Variants in ARHGAP6 observed in about 807,000 individuals in gnomAD.
ARHGAP6 encodes the protein Rho GTPase activating protein 6.
Under a neutral mutation model 55.7 loss-of-function variants are expected in ARHGAP6, and 16 were observed. The ratio of observed to expected loss-of-function variants is 0.29; its 90% confidence interval spans 0.19 to 0.44. The LOEUF (loss-of-function observed/expected upper bound fraction) is 0.44. ARHGAP6 is among the 20% of genes least tolerant of loss of function. The probability of loss-of-function intolerance (pLI) is 1.00; values close to 1 mark genes in which losing one functional copy is unlikely to be tolerated. For missense variants in ARHGAP6, 698 were observed against 808.9 expected (o/e 0.86, Z 1.66); for synonymous variants, 382 against 360.9 (o/e 1.06, Z -0.66).
intron 1 of ARHGAP6, among the ~76,000 whole-genome samples, chrX:11,280,800 A>G (rs928885143): frequency 2.1e-4 from 23 of 109,946 alleles, no homozygotes; most frequent in African/African-American, 7.6e-4. Flanking sequence ...TGTGAATACC[A>G]TTTGACCCAG....
intron 1 of ARHGAP6, among the ~76,000 whole-genome samples, chrX:11,585,611 A>G (rs188116191): frequency 1.8e-5 from 2 of 112,390 alleles, no homozygotes; most frequent in Non-Finnish European, 3.8e-5. Flanking sequence ...TCCTTTGCCC[A>G]CTTTTTAATG....
intron 1 of ARHGAP6, among the ~76,000 whole-genome samples, chrX:11,602,149 A>T (rs748998488): frequency 9.0e-6 from 1 of 111,706 alleles, no homozygotes; most frequent in South Asian, 3.8e-4. Flanking sequence ...GATACTTTTT[A>T]AGTCTTATTT....
chrX:11,263,780 C>T (rs779145384), intron 1 of ARHGAP6, among the ~76,000 whole-genome samples: 1 of 111,726 alleles, frequency 9.0e-6, no homozygotes, highest in East Asian at 2.9e-4. Flanking sequence ...CCCAGTTTTG[C>T]CACTTACTAG....
At chrX:11,397,955 G>A (rs1487997850) in intron 1 of ARHGAP6, among the ~76,000 whole-genome samples, 1 of 111,691 alleles carries the variant, frequency 9.0e-6, no homozygotes, top group Non-Finnish European at 1.9e-5. Context: ...AACCTAGAAT[G>A]ATGTCAGACC....
At chrX:11,474,726 G>A (rs1218215622) in intron 1 of ARHGAP6, among the ~76,000 whole-genome samples, 1 of 111,491 alleles carries the variant, frequency 9.0e-6, no homozygotes, top group Non-Finnish European at 1.9e-5. Flanking sequence ...CAGTGTGGTG[G>A]TGTTGGGAGG....
intron 5 of ARHGAP6, among the ~76,000 whole-genome samples, chrX:11,185,610 A>G (rs2046377157): frequency 8.9e-6 from 1 of 112,429 alleles, no homozygotes; most frequent in Admixed American, 9.4e-5. Context: ...AGTTTATGAA[A>G]ATGGCAGTTA....
chrX:11,397,441 A>G (rs1171932266), intron 1 of ARHGAP6, among the ~76,000 whole-genome samples: 3 of 111,611 alleles, frequency 2.7e-5, no homozygotes, highest in Non-Finnish European at 5.6e-5. Context: ...ACTATACATA[A>G]TATGAAGATG....
chrX:11,412,725 C>T (rs1371794347), intron 1 of ARHGAP6, among the ~76,000 whole-genome samples: 1 of 111,831 alleles, frequency 8.9e-6, no homozygotes, highest in African/African-American at 3.2e-5. Flanking sequence ...GAATTCGTAC[C>T]ATGGTAATTT....
At chrX:11,621,979 C>G (rs749407575) in intron 1 of ARHGAP6, among the ~76,000 whole-genome samples, 2 of 111,700 alleles carry the variant, frequency 1.8e-5, no homozygotes, top group Non-Finnish European at 3.8e-5. Context: ...GAACCTGAAG[C>G]AATGCCTTTT....
chrX:11,506,699 TAC>T (rs764977626), intron 1 of ARHGAP6, among the ~76,000 whole-genome samples: 4 of 111,985 alleles, frequency 3.6e-5, no homozygotes, highest in African/African-American at 1.3e-4. Context: ...GCAATAAACA[TAC>T]GTGTGCATGT....
At chrX:11,539,853 G>T (rs185621528) in intron 1 of ARHGAP6, among the ~76,000 whole-genome samples, 3 of 111,776 alleles carry the variant, frequency 2.7e-5, no homozygotes, top group Non-Finnish European at 5.6e-5. Flanking sequence ...AACCTATTTA[G>T]AATGAAAATC....
rs150724076 is a variant in ARHGAP6, at chrX:11,271,917, G to T, written c.589-17210C>A. On this transcript the variant is annotated intron_variant, in intron 1 of 12. Transcript: ENST00000337414. ...CATCTTCCAAAGCAAAATGACCTCA[G>T]ATACAAGTGGTGATACATTTTAGAA... is the stretch of plus-strand genomic sequence containing the variant. Among the ~76,000 whole-genome samples the T allele has an allele frequency of 8.9e-3, 997 of 111,871 alleles. 12 individuals are homozygous for T. Among genetic ancestry groups the T allele is most frequent in the African/African-American group, 0.031 (962 of 30,798 alleles).
chrX:11,226,091 C>T (rs1435585219), intron 2 of ARHGAP6, among the ~76,000 whole-genome samples: 1 of 108,916 alleles, frequency 9.2e-6, no homozygotes, highest in Non-Finnish European at 1.9e-5. Flanking sequence ...TGTTAGTGTG[C>T]TGCACCCGTT....
intron 1 of ARHGAP6, among the ~76,000 whole-genome samples, chrX:11,488,244 G>A (rs2050530989): frequency 9.0e-6 from 1 of 111,466 alleles, no homozygotes. Flanking sequence ...GGGACTAAAT[G>A]GCTATCAGGA....
chrX:11,419,216 C>T (rs1020468817), intron 1 of ARHGAP6, among the ~76,000 whole-genome samples: 2 of 112,274 alleles, frequency 1.8e-5, no homozygotes, highest in Non-Finnish European at 3.8e-5. Flanking sequence ...CTCAGTGTTG[C>T]TAATTGCTGG....
chrX:11,614,424 G>A (rs372896373), intron 1 of ARHGAP6, among the ~76,000 whole-genome samples: 2 of 111,696 alleles, frequency 1.8e-5, no homozygotes, highest in South Asian at 3.8e-4. Context: ...GAAGAGGCAC[G>A]TTCTACATGG....
intron 10 of ARHGAP6, among the ~76,000 whole-genome samples, chrX:11,152,092 T>C (rs1000804534): frequency 4.5e-5 from 5 of 112,203 alleles, no homozygotes; most frequent in Admixed American, 3.8e-4. Flanking sequence ...AGCATAATTC[T>C]GTATTTAAGT....
intron 1 of ARHGAP6, among the ~76,000 whole-genome samples, chrX:11,458,362 T>C (rs1235133489): frequency 2.7e-5 from 3 of 112,279 alleles, no homozygotes; most frequent in East Asian, 2.8e-4. Context: ...GAATAAGGAA[T>C]TGGCTTGGCA....
At chrX:11,195,352 GA>G (rs777313336) in intron 3 of ARHGAP6, among the ~76,000 whole-genome samples, 75 of 98,830 alleles carry the variant, frequency 7.6e-4, no homozygotes, top group Non-Finnish European at 7.2e-4. Flanking sequence ...ACCCTGTCTT[GA>G]AAAAAAAAAA....
Sources: allele counts gnomAD v4.1 joint callset (sites outside exome capture counted in the v4.1 genomes callset), GRCh38; gene constraint gnomAD v4.1.1; transcripts MANE v1.5; gene names NCBI Gene and HGNC (gene_info 2026-07-23, HGNC 2026-07-21).